Variants in NXPH1 observed in about 807,000 individuals in gnomAD.
NXPH1 encodes neurexophilin-1.
Under a neutral mutation model 23.7 loss-of-function variants are expected in NXPH1, and 5 were observed. The observed-to-expected ratio is 0.21, with a 90% CI of 0.11 to 0.44. NXPH1 has a LOEUF of 0.44. Among genes scored for constraint, NXPH1 ranks in the 20% least tolerant of loss-of-function variants. The pLI is 0.99. For missense variants in NXPH1, 324 were observed against 321.6 expected, an observed-to-expected ratio of 1.01 and a Z score of -0.06; for synonymous variants, 144 against 122.2, an observed-to-expected ratio of 1.18 and a Z score of -1.18.
chr7:8,448,940 T>C (rs1192009203), intron 2 of NXPH1, among the ~76,000 whole-genome samples: 1 of 152,178 alleles, frequency 6.6e-6, no homozygotes, highest in African/African-American at 2.4e-5. Context: ...TGAGAATCCT[T>C]GTGATGTTTT....
At position 8,434,991 on chromosome 7, in the gene NXPH1, C is replaced by G. The variant is rs544924043; in HGVS notation, c.-111+236C>G. The G allele has an allele frequency of 6.6e-6, 1 of 152,386 alleles. No homozygotes were observed. The highest frequency in any genetic ancestry group is 1.5e-5 in the Non-Finnish European group (1 of 68,254). 9.4% of individuals were successfully genotyped at this position (152,386 alleles called of 1,614,324 possible). ...GAGCATTCGTGGGTATCTCTGTGTG[C>G]GCCAGGGGTTCGAATGGGTAAACTG... On this transcript the variant is annotated intron_variant, in intron 1 of 2. Transcript: ENST00000405863. The surrounding 1 kb of genome is among the most constrained non-coding windows in gnomAD (Gnocchi z 7.6).
In NXPH1 at chr7:8,641,813, T is replaced by G. The variant is rs57569977; in HGVS notation, c.55-109195T>G. The stretch of plus-strand genomic sequence containing the variant: ...TTTAGTTTTCATTCTTATACAACCT[T>G]TTTGTCCTTATTTGAGTTAATAATT... On this transcript the variant is annotated intron_variant, in intron 2 of 2. Transcript: ENST00000405863. Among the ~76,000 whole-genome samples, 547 of 152,320 alleles carry G rather than the reference T, an allele frequency of 3.6e-3. 3 individuals carry two copies. The highest frequency in any genetic ancestry group is 0.012 in the African/African-American group (516 of 41,570).
At chr7:8,477,726 A>G (rs1817001106) in intron 2 of NXPH1, among the ~76,000 whole-genome samples, 1 of 152,076 alleles carries the variant, frequency 6.6e-6, no homozygotes, top group Non-Finnish European at 1.5e-5. Context: ...GATCACATAG[A>G]TGAGTGTTTA....
chr7:8,506,266 A>T (rs76600191), intron 2 of NXPH1, among the ~76,000 whole-genome samples: 1 of 152,064 alleles, frequency 6.6e-6, no homozygotes, highest in South Asian at 2.1e-4. Flanking sequence ...TGTTACTCCA[A>T]GGGAAGACCA....
chr7:8,645,307 C>T lies in NXPH1; in HGVS notation c.55-105701C>T, dbSNP rs988806116. Among the ~76,000 whole-genome samples the T allele has an allele frequency of 2.0e-5, 3 of 152,044 alleles. No individual in the cohort carries two copies. In the East Asian group the frequency reaches 5.8e-4, roughly 29 times the overall value. On this transcript the variant is annotated intron_variant, in intron 2 of 2. Transcript: ENST00000405863. ...AAGTTCTATGTCAAAGTTTTCAAGG[C>T]TCCTCTCCCTCAGCAATATTTTCAA...
At chr7:8,727,099 T>G (rs552997814) in intron 2 of NXPH1, among the ~76,000 whole-genome samples, 1 of 148,794 alleles carries the variant, frequency 6.7e-6, no homozygotes, top group East Asian at 2.0e-4. Flanking sequence ...ATGGTGAGCA[T>G]TTTTTCATGT....
intron 2 of NXPH1, among the ~76,000 whole-genome samples, chr7:8,646,174 T>A (rs1820397374): frequency 6.6e-6 from 1 of 152,152 alleles, no homozygotes. Flanking sequence ...AGATTTTAAC[T>A]TTTTCTATGA....
chr7:8,491,086 C>A (rs545912139), intron 2 of NXPH1, among the ~76,000 whole-genome samples: 1 of 151,910 alleles, frequency 6.6e-6, no homozygotes, highest in African/African-American at 2.4e-5. Flanking sequence ...TCACCAGTTG[C>A]CTTCTTCCTC....
intron 2 of NXPH1, among the ~76,000 whole-genome samples, chr7:8,695,618 T>C (rs1263834201): frequency 6.6e-6 from 1 of 152,220 alleles, no homozygotes; most frequent in Non-Finnish European, 1.5e-5. Flanking sequence ...GCCTTCTTTG[T>C]TAAGGAATTT....
chr7:8,506,248 A>G (rs775153752), intron 2 of NXPH1, among the ~76,000 whole-genome samples: 21 of 152,074 alleles, frequency 1.4e-4, no homozygotes, highest in Non-Finnish European at 2.2e-4. Flanking sequence ...CCTGGATTGA[A>G]GGAATTCTGT....
At chr7:8,499,779 GCACACT>G in intron 2 of NXPH1, among the ~76,000 whole-genome samples, 1 of 152,010 alleles carries the variant, frequency 6.6e-6, no homozygotes, top group Admixed American at 6.6e-5. Flanking sequence ...TGCCATAGTT[GCACACT>G]TCTGAGCATT....
chr7:8,526,194 A>G (rs1291174816), intron 2 of NXPH1, among the ~76,000 whole-genome samples: 2 of 152,158 alleles, frequency 1.3e-5, no homozygotes, highest in African/African-American at 4.8e-5. Context: ...ATCATTTTGG[A>G]GCTTTAAAAG....
At chr7:8,441,142 C>G (rs1315004934) in intron 2 of NXPH1, among the ~76,000 whole-genome samples, 1 of 152,196 alleles carries the variant, frequency 6.6e-6, no homozygotes, top group Non-Finnish European at 1.5e-5. Flanking sequence ...AAGACCTTAA[C>G]AGTCCTCGCC....
At chr7:8,682,698 T>C (rs1448953837) in intron 2 of NXPH1, among the ~76,000 whole-genome samples, 1 of 152,194 alleles carries the variant, frequency 6.6e-6, no homozygotes, top group Non-Finnish European at 1.5e-5. Context: ...ACTTTGGGCA[T>C]GAATAAATAG....
chr7:8,706,848 G>A (rs115937900), intron 2 of NXPH1, among the ~76,000 whole-genome samples: 21 of 152,258 alleles, frequency 1.4e-4, no homozygotes, highest in African/African-American at 4.3e-4. Flanking sequence ...CAGATTGACT[G>A]TATTAGACAG....
chr7:8,565,966 C>T (rs763161331), intron 2 of NXPH1, among the ~76,000 whole-genome samples: 2 of 151,820 alleles, frequency 1.3e-5, no homozygotes, highest in South Asian at 4.1e-4. Flanking sequence ...CTTTGTGTGT[C>T]TTAAAGTGCT....
intron 2 of NXPH1, among the ~76,000 whole-genome samples, chr7:8,458,054 T>A (rs1816631063): frequency 6.6e-6 from 1 of 152,212 alleles, no homozygotes; most frequent in East Asian, 1.9e-4. Flanking sequence ...CTGATGCATT[T>A]CAAAAATTAT....
chr7:8,737,634 A>G (rs1780284672), intron 2 of NXPH1, among the ~76,000 whole-genome samples: 1 of 152,134 alleles, frequency 6.6e-6, no homozygotes, highest in Admixed American at 6.5e-5. Flanking sequence ...CTTGAGGAAT[A>G]TCTTTGTGGC....
rs117333849 is a variant in NXPH1, at chr7:8,672,564, A to C, written c.55-78444A>C. 2.0e-5 allele frequency among the ~76,000 whole-genome samples: 3 copies of C among 152,284 alleles called. No individual in the cohort carries two copies. In the East Asian group the frequency reaches 5.8e-4, roughly 29 times the overall value. On this transcript the variant is annotated intron_variant, in intron 2 of 2. Coordinates refer to ENST00000405863, the MANE Select transcript of NXPH1 (RefSeq NM_152745.3). ...AGCAAACAGCTTGAAAGACAAATCCAATACAGTCTTGTCTAATTGTTTTTT... is the reference window on the plus strand; with the variant it reads ...AGCAAACAGCTTGAAAGACAAATCCCATACAGTCTTGTCTAATTGTTTTTT...
Sources: allele counts gnomAD v4.1 joint callset (sites outside exome capture counted in the v4.1 genomes callset), GRCh38; gene constraint gnomAD v4.1.1; non-coding constraint Gnocchi (gnomAD v3.1); transcripts MANE v1.5; gene names NCBI Gene and HGNC (gene_info 2026-07-23, HGNC 2026-07-21).